The following NTM variants were observed in gnomAD, a reference collection of about 807,000 sequenced individuals.
The protein encoded by NTM is neurotrimin.
A neutral mutation model predicts 42.1 loss-of-function variants in NTM; 13 were observed. The ratio of observed to expected loss-of-function variants is 0.31; its 90% CI spans 0.20 to 0.49. The LOEUF is 0.49. Among genes scored for constraint, NTM ranks in the 20% least tolerant of loss-of-function variants. The pLI is 0.99. For missense variants in NTM, 373 were observed against 452.8 expected (o/e 0.82, Z 1.60); for synonymous variants, 187 against 179.2 (o/e 1.04, Z -0.35).
intron 1 of NTM, among the ~76,000 whole-genome samples, chr11:131,547,043 A>G (rs1403023178): frequency 6.6e-6 from 1 of 152,176 alleles, no homozygotes; most frequent in Non-Finnish European, 1.5e-5. Context: ...TGTGGTGACC[A>G]GAGCAAGGTC....
At chr11:132,268,660 C>T (rs77809602) in intron 4 of NTM, among the ~76,000 whole-genome samples, 4,634 of 67,032 alleles carry the variant, frequency 0.069, 145 homozygotes, top group Admixed American at 0.15. Flanking sequence ...GTGGGGTCCT[C>T]TCTCTCTCTC....
chr11:131,852,917 T>A (rs957326147), intron 1 of NTM, among the ~76,000 whole-genome samples: 1 of 144,942 alleles, frequency 6.9e-6, no homozygotes, highest in African/African-American at 2.6e-5. Context: ...CATCCATCCA[T>A]CCACCCACCC....
At chr11:131,378,350 G>T (rs1355585320) in intron 1 of NTM, among the ~76,000 whole-genome samples, 1 of 152,120 alleles carries the variant, frequency 6.6e-6, no homozygotes, top group East Asian at 1.9e-4. Flanking sequence ...TGGCAATACT[G>T]CAAATAGTCT....
At chr11:131,862,232 T>G (rs1025717412) in intron 1 of NTM, among the ~76,000 whole-genome samples, 1 of 152,170 alleles carries the variant, frequency 6.6e-6, no homozygotes, top group Non-Finnish European at 1.5e-5. Flanking sequence ...TGGGTCACTC[T>G]GAGGGCACAA....
At chr11:131,882,433 A>C (rs1253537546) in intron 1 of NTM, among the ~76,000 whole-genome samples, 1 of 152,210 alleles carries the variant, frequency 6.6e-6, no homozygotes, top group Non-Finnish European at 1.5e-5. Context: ...CTTTACTGAC[A>C]GTTCATGGAT....
At chr11:131,791,991 G>C (rs2091000717) in intron 1 of NTM, among the ~76,000 whole-genome samples, 1 of 152,098 alleles carries the variant, frequency 6.6e-6, no homozygotes, top group African/African-American at 2.4e-5. Context: ...GCACCTGTAG[G>C]CTATAACTGA....
rs367940222 is a variant in NTM, at chr11:131,601,093, C to T, written c.82+230205C>T. Among the ~76,000 whole-genome samples, 20 of 152,276 alleles carry T rather than the reference C, an allele frequency of 1.3e-4. No homozygotes were observed. In the East Asian group the frequency reaches 3.1e-3, roughly 24 times the overall value. On this transcript the variant is annotated intron_variant, in intron 1 of 8. Coordinates refer to ENST00000683400, the MANE Select transcript of NTM (RefSeq NM_001352005.2). ...ATGCCTTGCTCAGTATTCAAATTCT[C>T]CTATAAGTTGGGTAAGGGCCAGGAG...
intron 3 of NTM, among the ~76,000 whole-genome samples, chr11:132,206,016 T>A (rs3099759): frequency 6.6e-6 from 1 of 152,248 alleles, no homozygotes; most frequent in South Asian, 2.1e-4. Context: ...TCTCCCTGGT[T>A]GTCCTCCTAG....
chr11:131,387,797 C>T (rs1325823734), intron 1 of NTM, among the ~76,000 whole-genome samples: 2 of 151,984 alleles, frequency 1.3e-5, no homozygotes, highest in African/African-American at 4.8e-5. Context: ...ATCTGAAACC[C>T]ACTCCCCCCT....
intron 1 of NTM, among the ~76,000 whole-genome samples, chr11:131,380,983 C>T (rs188471369): frequency 1.1e-3 from 175 of 152,210 alleles, no homozygotes; most frequent in African/African-American, 3.8e-3. Context: ...TTAGTAATCC[C>T]TCCTGGCTGT....
At chr11:131,570,563 G>A (rs916128711) in intron 1 of NTM, among the ~76,000 whole-genome samples, 1 of 152,212 alleles carries the variant, frequency 6.6e-6, no homozygotes, top group Admixed American at 6.5e-5. Flanking sequence ...GGTGGCTCAC[G>A]CCTGTAATCC....
At chr11:131,956,660 C>T (rs2061591496) in intron 2 of NTM, among the ~76,000 whole-genome samples, 1 of 151,422 alleles carries the variant, frequency 6.6e-6, no homozygotes, top group African/African-American at 2.5e-5. Context: ...TGGACCCTTC[C>T]CTTTCTTCCA....
rs140788154 is a variant in NTM, at chr11:131,416,503, T to A, written c.82+45615T>A. The stretch of plus-strand genomic sequence containing the variant: ...ATAGCCTGTCTGCCACCTTCAACAT[T>A]GGCTGATGACTTCTTATTTTCTACT... On this transcript the variant is annotated intron_variant, in intron 1 of 8. Transcript: ENST00000683400. 4.3e-3 allele frequency among the ~76,000 whole-genome samples: 653 copies of A among 152,328 alleles called. 5 individuals carry two copies. Among genetic ancestry groups the A allele is most frequent in the African/African-American group, 0.013 (558 of 41,578 alleles).
chr11:131,414,613 A>G (rs191271680), intron 1 of NTM, among the ~76,000 whole-genome samples: 2 of 152,306 alleles, frequency 1.3e-5, no homozygotes, highest in African/African-American at 2.4e-5. Flanking sequence ...TGCATATACC[A>G]TGGTCTCCCA....
At chr11:132,040,527 C>T (rs1232932343) in intron 2 of NTM, among the ~76,000 whole-genome samples, 1 of 152,106 alleles carries the variant, frequency 6.6e-6, no homozygotes, top group Non-Finnish European at 1.5e-5. Flanking sequence ...AGCCCCATGA[C>T]AAAAAATGTT....
At chr11:132,112,718 T>TACACACACACACACAC (rs61630313) in intron 2 of NTM, among the ~76,000 whole-genome samples, 3 of 142,072 alleles carry the variant, frequency 2.1e-5, no homozygotes, top group African/African-American at 5.2e-5. Flanking sequence ...ACTGCACACT[T>TACACACACACACACAC]ACACACACAC....
At chr11:131,889,022 G>A (rs940676046) in intron 1 of NTM, among the ~76,000 whole-genome samples, 2 of 151,658 alleles carry the variant, frequency 1.3e-5, no homozygotes, top group Non-Finnish European at 2.9e-5. Flanking sequence ...TGAGTCCCTT[G>A]TCAAAGGCTG....
At chr11:132,125,685 G>T (rs867004231) in intron 2 of NTM, among the ~76,000 whole-genome samples, 4 of 334 alleles carry the variant, frequency 0.012, no homozygotes, top group Non-Finnish European at 0.021. Context: ...GTGCGTAGTG[G>T]GGTATGTGGT....
intron 2 of NTM, among the ~76,000 whole-genome samples, chr11:132,079,211 G>A (rs1179784850): frequency 4.6e-5 from 7 of 152,148 alleles, no homozygotes; most frequent in Non-Finnish European, 1.0e-4. Context: ...ATCAGTAGCC[G>A]ACACTCATGG....
Sources: gnomAD v4.1 joint callset for allele counts (sites outside exome capture counted in the v4.1 genomes callset) on GRCh38, gnomAD v4.1.1 for gene constraint, MANE v1.5 for transcripts, NCBI Gene and HGNC (gene_info 2026-07-23, HGNC 2026-07-21) for gene names.